TINAG: variants seen among roughly 807,000 people sequenced by gnomAD.
The protein encoded by TINAG is tubulointerstitial nephritis antigen.
Under a neutral mutation model 72.7 loss-of-function variants are expected in TINAG, and 83 were observed. The observed-to-expected ratio is 1.14, with a 90% CI of 0.96 to 1.37. The LOEUF (loss-of-function observed/expected upper bound fraction) is 1.37, where lower values mean the gene tolerates loss of function less well. Ranked by LOEUF, TINAG falls within the 40% of genes most tolerant of loss-of-function variation. TINAG has a pLI of 0.00. For missense variants in TINAG, 685 were observed against 576.6 expected (o/e 1.19, Z -1.93); for synonymous variants, 234 against 189.9 (o/e 1.23, Z -1.91).
chr6:54,320,574 G>T lies in TINAG; in HGVS notation c.356-5G>T. 1 of 1,592,950 alleles carries T rather than the reference G, an allele frequency of 6.3e-7. No homozygotes were observed. The highest frequency in any genetic ancestry group is 1.2e-5 in the South Asian group (1 of 86,418). The stretch of plus-strand genomic sequence containing the variant: ...TTTTCATTTCTTTACATGTTACTTT[G>T]ACAGGTTGCTTCAAAGATGGTCAAC... On this transcript the variant is annotated splice_region_variant and splice_polypyrimidine_tract_variant and intron_variant, in intron 1 of 10. Coordinates refer to ENST00000259782, the MANE Select transcript of TINAG (RefSeq NM_014464.4).
At chr6:54,320,682 T>C (rs776379824) in intron 2 of TINAG, 40 bp downstream of exon 2, 1 of 1,477,302 alleles carries the variant, frequency 6.8e-7, no homozygotes, top group Middle Eastern at 1.8e-4. Context: ...TTCTACTGTG[T>C]GTGTATGTTT....
At chr6:54,340,724 T>C (rs1459224668) in intron 4 of TINAG, among the ~76,000 whole-genome samples, 1 of 152,126 alleles carries the variant, frequency 6.6e-6, no homozygotes, top group Non-Finnish European at 1.5e-5. Context: ...TTGATCTGGC[T>C]TAGTGGATTG....
chr6:54,326,754 T>C, intron 3 of TINAG, 48 bp from the exon 4 acceptor site: 2 of 1,367,376 alleles, frequency 1.5e-6, no homozygotes, highest in Non-Finnish European at 2.0e-6. Flanking sequence ...AGTGATGTCA[T>C]ATAACCTGTA....
chr6:54,361,804 C>T (rs1223667939), intron 9 of TINAG, among the ~76,000 whole-genome samples: 1 of 151,542 alleles, frequency 6.6e-6, no homozygotes, highest in East Asian at 2.0e-4. Flanking sequence ...AGTGCTAATC[C>T]AACAAATATA....
rs1035497600 is a variant in TINAG at position 54,351,520 on chromosome 6, GC to G, written c.1126+124del. 2.1e-4 allele frequency: 161 copies of G among 779,570 alleles called. No homozygotes were observed. In the African/African-American group the frequency reaches 2.3e-3, roughly 11 times the overall value. 48.3% of individuals were successfully genotyped at this position (779,570 alleles called of 1,614,324 possible). ...TTTTTACTTTAAGAGTATCCAAAAGGCTTCAACAGTTCTAAAATGAGTGCAG... is the reference window on the plus strand; with the variant it reads ...TTTTTACTTTAAGAGTATCCAAAAGGTTCAACAGTTCTAAAATGAGTGCAG... On this transcript the variant is annotated intron_variant, in intron 8 of 10. Transcript: ENST00000259782.
intron 9 of TINAG, among the ~76,000 whole-genome samples, chr6:54,366,608 G>A (rs1345431434): frequency 1.3e-5 from 2 of 151,256 alleles, no homozygotes; most frequent in Admixed American, 1.3e-4. Context: ...GGGAGGGAGA[G>A]AGAGAGAGAG....
intron 9 of TINAG, among the ~76,000 whole-genome samples, chr6:54,357,363 A>T (rs190470971): frequency 2.0e-5 from 3 of 151,984 alleles, no homozygotes; most frequent in Admixed American, 6.6e-5. Flanking sequence ...CTAAAAGCTG[A>T]CATCAACTGA....
intron 9 of TINAG, among the ~76,000 whole-genome samples, chr6:54,356,697 C>T (rs1763050505): frequency 1.3e-5 from 2 of 151,766 alleles, no homozygotes; most frequent in Non-Finnish European, 2.9e-5. Flanking sequence ...GAAACTATTG[C>T]TATTCAGGCT....
chr6:54,352,195 T>C (rs1041556493), intron 8 of TINAG, among the ~76,000 whole-genome samples: 1 of 151,790 alleles, frequency 6.6e-6, no homozygotes, highest in Non-Finnish European at 1.5e-5. Context: ...TGCAGTGGAA[T>C]AAAAAATAGG....
chr6:54,364,135 T>C (rs1440584435), intron 9 of TINAG, among the ~76,000 whole-genome samples: 1 of 151,436 alleles, frequency 6.6e-6, no homozygotes, highest in Non-Finnish European at 1.5e-5. Context: ...AATGGTCATC[T>C]AGGTGTTTAG....
intron 9 of TINAG, among the ~76,000 whole-genome samples, chr6:54,379,373 C>A (rs377078134): frequency 2.6e-5 from 4 of 152,142 alleles, no homozygotes; most frequent in Non-Finnish European, 5.9e-5. Context: ...ATAATACCTA[C>A]CTCGCTGGAT....
intron 4 of TINAG, among the ~76,000 whole-genome samples, chr6:54,330,051 A>C (rs1784700755): frequency 6.6e-6 from 1 of 152,146 alleles, no homozygotes; most frequent in African/African-American, 2.4e-5. Context: ...TGTCAATATT[A>C]GACAAACCAA....
At chr6:54,364,896 A>C (rs1763358993) in intron 9 of TINAG, among the ~76,000 whole-genome samples, 1 of 151,520 alleles carries the variant, frequency 6.6e-6, no homozygotes, top group Non-Finnish European at 1.5e-5. Flanking sequence ...TTTTCCATAC[A>C]AATAAATTTT....
intron 4 of TINAG, among the ~76,000 whole-genome samples, chr6:54,337,809 AG>A (rs1356649318): frequency 3.9e-5 from 6 of 152,204 alleles, no homozygotes. Flanking sequence ...GAATACAGGA[AG>A]GGCTGATGGT....
chr6:54,379,650 G>A (rs1047173651), intron 9 of TINAG, among the ~76,000 whole-genome samples: 5 of 152,118 alleles, frequency 3.3e-5, no homozygotes, highest in African/African-American at 1.2e-4. Flanking sequence ...ATTTAAGGTA[G>A]AGTGGTAGAT....
chr6:54,372,697 G>A lies in TINAG; in HGVS notation c.1251-7829G>A, dbSNP rs377614089. Among the ~76,000 whole-genome samples, 133 of 146,968 alleles carry A rather than the reference G, an allele frequency of 9.0e-4. 2 individuals carry two copies. In the South Asian group the frequency reaches 0.027, roughly 30 times the overall value. On this transcript the variant is annotated intron_variant, in intron 9 of 10. Transcript: ENST00000259782. ...AGAATCTAGGGTTAGGATTTTATCC[G>A]ATCCTCCAAGAATATTATATAAATA...
intron 9 of TINAG, 68 bp from the exon 10 acceptor site, chr6:54,380,458 T>C: frequency 7.5e-7 from 1 of 1,326,286 alleles, no homozygotes; most frequent in South Asian, 1.2e-5. Flanking sequence ...GACAATAATC[T>C]GCATTCTCTC....
At chr6:54,320,698 A>C in intron 2 of TINAG, 56 bp downstream of exon 2, 1 of 1,380,180 alleles carries the variant, frequency 7.2e-7, no homozygotes, top group Non-Finnish European at 1.0e-6. Context: ...TGTTTTCTTC[A>C]AATAAAAGAA....
intron 2 of TINAG, 131 bp downstream of exon 2, chr6:54,320,773 T>C: frequency 1.6e-6 from 1 of 621,498 alleles, no homozygotes; most frequent in Non-Finnish European, 2.7e-6. Context: ...TAAGACATCA[T>C]GTACCTGTAA....
Sources: gnomAD v4.1 joint callset for allele counts (sites outside exome capture counted in the v4.1 genomes callset) on GRCh38, gnomAD v4.1.1 for gene constraint, MANE v1.5 for transcripts, NCBI Gene and HGNC (gene_info 2026-07-23, HGNC 2026-07-21) for gene names.